MGAM: variants seen among roughly 807,000 people sequenced by gnomAD.
The protein encoded by MGAM is alpha-1,4-glucosidase.
In MGAM, 253 loss-of-function variants were observed where a neutral mutation model predicts 358.8. The observed-to-expected ratio is 0.71, with a 90% CI of 0.64 to 0.78. MGAM has a LOEUF of 0.78. MGAM is among the 30% of genes least tolerant of loss of function. The pLI, the probability that MGAM is intolerant of heterozygous loss-of-function variation, is 0.00. For synonymous variants in MGAM, 1,105 were observed against 1,227.1 expected (o/e 0.90, Z 2.08); for missense variants, 3,080 against 3,432.6 (o/e 0.90, Z 2.57).
At position 142,050,708 on chromosome 7, in the gene MGAM, G is replaced by A. The variant is rs1408103560; in HGVS notation, c.2649G>A (p.Glu883=). The stretch of plus-strand genomic sequence containing the variant: ...TAATTGTTTTGCAGAACCGCTTGGA[G>A]GTGAATATTTCACAATCAACCTACA... ...CEFSVTQNRL[E]VNISQSTYKD... Residue 883 remains glutamate (E), a synonymous_variant, in exon 24 of 71, where the codon GAG becomes GAA. Transcript: ENST00000475668. 1.2e-6 allele frequency: 2 copies of A among 1,613,330 alleles called. No individual in the cohort carries two copies. Among genetic ancestry groups the A allele is most frequent in the African/African-American group, 1.3e-5 (1 of 74,882 alleles).
chr7:142,020,582 T>A (rs1806348902), intron 4 of MGAM, among the ~76,000 whole-genome samples: 1 of 147,344 alleles, frequency 6.8e-6, no homozygotes, highest in Non-Finnish European at 1.5e-5. Flanking sequence ...TTGACATGTA[T>A]CCTAATATAT....
intron 10 of MGAM, among the ~76,000 whole-genome samples, chr7:142,029,948 G>A (rs1237239241): frequency 1.3e-5 from 2 of 152,178 alleles, no homozygotes; most frequent in East Asian, 1.9e-4. Flanking sequence ...AAAATAAAAT[G>A]TGGGGTAGTA....
At position 142,079,035 on chromosome 7, in the gene MGAM, T is replaced by C. The variant is rs750574434; in HGVS notation, c.5847+27T>C. The stretch of plus-strand genomic sequence containing the variant: ...TAAACACGGTACATATATCAGGCAG[T>C]GATAAGACCCTTTTCAGTTCCATTA... On this transcript the variant is annotated intron_variant, in intron 49 of 70. Transcript: ENST00000475668. 22 of 1,508,282 alleles carry C rather than the reference T, an allele frequency of 1.5e-5. 4 individuals are homozygous for C. The highest frequency in any genetic ancestry group is 3.5e-5 in the Admixed American group (2 of 56,528). 93.4% of individuals were successfully genotyped at this position (1,508,282 alleles called of 1,614,324 possible). A position where few individuals can be genotyped will look rare whatever the true frequency, so the allele number is the denominator to read the frequency against.
At chr7:142,054,278 C>T (rs1259467894) in intron 26 of MGAM, among the ~76,000 whole-genome samples, 5 of 152,172 alleles carry the variant, frequency 3.3e-5, no homozygotes, top group East Asian at 1.9e-4. Context: ...ATTGAGCTCA[C>T]GTCCCTAGTG....
In MGAM at chr7:142,005,652, C is replaced by G. The variant is rs1439042125; in HGVS notation, c.122C>G (p.Ser41Ter). 6.2e-7 allele frequency: 1 copy of G among 1,601,128 alleles called. No homozygotes were observed. The change falls in exon 2 of 71, where the codon TCA (serine) becomes TGA (stop). Residue 41 changes from serine (S) to a stop codon, truncating the protein, a stop_gained. Coordinates refer to ENST00000475668, the MANE Select transcript of MGAM (RefSeq NM_001365693.1). LOFTEE classifies it high-confidence loss of function. ...IVLLAKESLK[S>*]TAPDPGTTGT... ...CTTTTAGCCAAAGAGTCACTGAAAT[C>G]AACAGGTAAGAAGTAACTCTGGGGC... is the stretch of plus-strand genomic sequence containing the variant.
chr7:142,000,841 G>A (rs141527377), intron 1 of MGAM, among the ~76,000 whole-genome samples: 1 of 152,128 alleles, frequency 6.6e-6, no homozygotes, highest in Non-Finnish European at 1.5e-5. Flanking sequence ...TTGAGCATAG[G>A]GTGTTTATAG....
intron 57 of MGAM, among the ~76,000 whole-genome samples, chr7:142,089,726 G>C (rs1353516585): frequency 6.9e-6 from 1 of 145,710 alleles, no homozygotes; most frequent in Admixed American, 6.9e-5. Flanking sequence ...GGCAGAGGTT[G>C]CAGTGAGCCA....
At chr7:141,999,448 GTT>G (rs1157695825) in intron 1 of MGAM, among the ~76,000 whole-genome samples, 2 of 152,178 alleles carry the variant, frequency 1.3e-5, no homozygotes, top group Non-Finnish European at 2.9e-5. Flanking sequence ...AAGGGCAGGT[GTT>G]CAAATTGTGG....
intron 1 of MGAM, among the ~76,000 whole-genome samples, chr7:141,998,724 C>G (rs979101958): frequency 6.6e-6 from 1 of 152,078 alleles, no homozygotes; most frequent in Non-Finnish European, 1.5e-5. Flanking sequence ...CATACGTGTG[C>G]GTGTGTCTTT....
chr7:142,079,695 C>T lies in MGAM; in HGVS notation c.5847+687C>T, dbSNP rs568331706. On this transcript the variant is annotated intron_variant, in intron 49 of 70. Coordinates refer to ENST00000475668, the MANE Select transcript of MGAM (RefSeq NM_001365693.1). ...AGGAATGTGCCCTTTCCTCTTTGTG[C>T]TTCTGAAGTCTAATACAGAGCCTGG... Among the ~76,000 whole-genome samples, 7 of 146,468 alleles carry T rather than the reference C, an allele frequency of 4.8e-5. 1 individual carries two copies. Among genetic ancestry groups the T allele is most frequent in the African/African-American group, 1.7e-4 (7 of 41,204 alleles).
intron 41 of MGAM, 147 bp downstream of exon 41, chr7:142,066,868 T>TG: frequency 1.9e-6 from 2 of 1,074,414 alleles, no homozygotes; most frequent in Non-Finnish European, 2.7e-6. Context: ...CTGATTACTG[T>TG]CTTTAGCACA....
intron 1 of MGAM, among the ~76,000 whole-genome samples, chr7:142,000,588 A>G (rs1308693392): frequency 3.3e-5 from 5 of 152,172 alleles, no homozygotes; most frequent in African/African-American, 4.8e-5. Flanking sequence ...TTAAATTAAA[A>G]ACACCTGCCG....
At chr7:142,097,695 G>A (rs779542469) in intron 66 of MGAM, 46 bp downstream of exon 66, 12 of 1,551,144 alleles carry the variant, frequency 7.7e-6, no homozygotes, top group African/African-American at 5.5e-5. Context: ...ATGGTAGAGA[G>A]TACAAAGGCT....
intron 21 of MGAM, among the ~76,000 whole-genome samples, chr7:142,043,674 AC>A (rs1469723803): frequency 7.7e-6 from 1 of 130,596 alleles, no homozygotes; most frequent in Non-Finnish European, 1.6e-5. Context: ...TATTATATAT[AC>A]ATATACTATC....
At chr7:142,013,116 A>G (rs1554454889) in intron 3 of MGAM, among the ~76,000 whole-genome samples, 1 of 151,528 alleles carries the variant, frequency 6.6e-6, no homozygotes, top group African/African-American at 2.5e-5. Context: ...ACAACTGCAG[A>G]GGAATGCTTA....
rs148356863 is a variant in MGAM, at chr7:142,095,184, C to T, written c.7458+321C>T. Among the ~76,000 whole-genome samples the T allele has an allele frequency of 5.0e-3, 764 of 152,214 alleles. 15 individuals carry two copies. Among genetic ancestry groups the T allele is most frequent in the Admixed American group, 0.015 (231 of 15,296 alleles). ...CTTGCCATATTTCCCAAGCTTGTCTCGAACTCGTGGCCTCAGTCCCCGAAA... is the reference window on the plus strand; with the variant it reads ...CTTGCCATATTTCCCAAGCTTGTCTTGAACTCGTGGCCTCAGTCCCCGAAA... On this transcript the variant is annotated intron_variant, in intron 63 of 70. Coordinates refer to ENST00000475668, the MANE Select transcript of MGAM (RefSeq NM_001365693.1).
chr7:142,099,043 G>A (rs966678560), intron 66 of MGAM, among the ~76,000 whole-genome samples: 6 of 152,128 alleles, frequency 3.9e-5, no homozygotes, highest in South Asian at 2.1e-4. Context: ...ATATTTGTTC[G>A]CTTGTTGTCA....
chr7:142,047,654 G>A (rs979595050), intron 21 of MGAM, 131 bp from the exon 22 acceptor site: 32 of 795,886 alleles, frequency 4.0e-5, no homozygotes, highest in Non-Finnish European at 6.2e-5. Flanking sequence ...TTTTGTGTTT[G>A]TGCCTGAAGA....
At chr7:142,002,136 G>A (rs1395385284) in intron 1 of MGAM, among the ~76,000 whole-genome samples, 5 of 152,094 alleles carry the variant, frequency 3.3e-5, no homozygotes, top group African/African-American at 1.2e-4. Flanking sequence ...CTAATGAAAT[G>A]TTTAGCACAT....
Sources: allele counts gnomAD v4.1 joint callset (sites outside exome capture counted in the v4.1 genomes callset), GRCh38; gene constraint gnomAD v4.1.1; transcripts MANE v1.5; gene names NCBI Gene and HGNC (gene_info 2026-07-23, HGNC 2026-07-21).